Variants in CD72 observed in about 807,000 individuals in gnomAD.
CD72 encodes the protein CD72 molecule.
CD72 carries 28 observed loss-of-function variants against 50.7 expected under a neutral mutation model. The observed-to-expected ratio is 0.55, with a 90% CI of 0.41 to 0.76. CD72 has a LOEUF of 0.76. CD72 is among the 30% of genes least tolerant of loss of function. CD72 has a pLI of 0.00. For missense variants in CD72, 403 were observed against 420.6 expected, an observed-to-expected ratio of 0.96 and a Z score of 0.37; for synonymous variants, 176 against 171.2, an observed-to-expected ratio of 1.03 and a Z score of -0.22.
upstream of CD72, among the ~76,000 whole-genome samples, chr9:35,620,114 T>G (rs1244952866): frequency 1.3e-5 from 2 of 151,662 alleles, no homozygotes; most frequent in African/African-American, 2.4e-5. Flanking sequence ...AGGGGGTGGG[T>G]GTGGGCAGTG....
intron 1 of CD72, among the ~76,000 whole-genome samples, chr9:35,632,905 T>C (rs550509462): frequency 1.3e-5 from 2 of 151,870 alleles, no homozygotes; most frequent in South Asian, 4.2e-4. Flanking sequence ...AGACAATTTT[T>C]TGGATTTATT....
chr9:35,610,546 T>C, intron 8 of CD72, 56 bp downstream of exon 8: 1 of 918,586 alleles, frequency 1.1e-6, no homozygotes, highest in Non-Finnish European at 1.5e-6. Flanking sequence ...GAGTCCCTGC[T>C]CTGAGTCCCT....
intron 5 of CD72, among the ~76,000 whole-genome samples, chr9:35,613,508 CCT>C (rs1218696399): frequency 1.3e-5 from 2 of 152,064 alleles, no homozygotes; most frequent in African/African-American, 2.4e-5. Context: ...AATAAATATC[CCT>C]CTTTCTTCAA....
At chr9:35,614,369 G>A (rs1269559472) in intron 5 of CD72, among the ~76,000 whole-genome samples, 1 of 152,200 alleles carries the variant, frequency 6.6e-6, no homozygotes, top group East Asian at 1.9e-4. Flanking sequence ...GAGTGAGTAG[G>A]AAAAACATTT....
At chr9:35,613,445 C>T (rs1351587908) in intron 5 of CD72, among the ~76,000 whole-genome samples, 4 of 152,160 alleles carry the variant, frequency 2.6e-5, no homozygotes, top group Non-Finnish European at 4.4e-5. Context: ...TTTCCCTCCT[C>T]TCCACCTCAA....
At chr9:35,612,809 A>G in intron 6 of CD72, 39 bp downstream of exon 6, 2 of 1,598,772 alleles carry the variant, frequency 1.3e-6, no homozygotes, top group Non-Finnish European at 1.7e-6. Flanking sequence ...CCTTTACCTA[A>G]TAGTACCCAC....
chr9:35,614,043 A>C (rs1346963928), intron 5 of CD72, among the ~76,000 whole-genome samples: 1 of 151,666 alleles, frequency 6.6e-6, no homozygotes, highest in East Asian at 1.9e-4. Context: ...AGAAATCTGT[A>C]TGGCCAAATG....
At position 35,610,745 on chromosome 9, in the gene CD72, G is replaced by A; in HGVS notation, c.959C>T (p.Ala320Val). The A allele has an allele frequency of 1.2e-6, 2 of 1,611,978 alleles. No individual in the cohort carries two copies. The highest frequency in any genetic ancestry group is 1.7e-6 in the Non-Finnish European group (2 of 1,178,850). The change falls in exon 8 of 9, where the codon GCT (alanine) becomes GTT (valine). Residue 320 changes from alanine (A) to valine (V), a missense_variant. Transcript: ENST00000259633. ...TACCTTGTTACATTTTGAGCTTTGA[G>A]CATAAGTCCTAAAAAGTAGTAAGGT... is the stretch of plus-strand genomic sequence containing the variant. ...TDDTQRTRTY[A>V]QSSKCNKVHK...
intron 1 of CD72, among the ~76,000 whole-genome samples, chr9:35,631,392 T>A (rs1053102169): frequency 6.6e-6 from 1 of 152,206 alleles, no homozygotes; most frequent in Non-Finnish European, 1.5e-5. Flanking sequence ...CTGTCTAAAT[T>A]TTTATTTTAA....
upstream of CD72, among the ~76,000 whole-genome samples, chr9:35,624,338 C>A (rs954455353): frequency 6.6e-6 from 1 of 151,724 alleles, no homozygotes; most frequent in African/African-American, 2.4e-5. Flanking sequence ...GACAAGCCAG[C>A]GACCTGGACA....
intron 1 of CD72, among the ~76,000 whole-genome samples, chr9:35,625,550 T>C (rs760875505): frequency 2.0e-5 from 3 of 152,246 alleles, no homozygotes; most frequent in Non-Finnish European, 4.4e-5. Flanking sequence ...ACTAAGATCA[T>C]TGATGAAGGT....
intron 1 of CD72, among the ~76,000 whole-genome samples, chr9:35,637,746 C>T (rs935020390): frequency 3.3e-5 from 5 of 152,146 alleles, no homozygotes; most frequent in Non-Finnish European, 4.4e-5. Flanking sequence ...CTGATCACCA[C>T]GGGGATGCCT....
upstream of CD72, among the ~76,000 whole-genome samples, chr9:35,623,117 A>T (rs1190480575): frequency 6.6e-6 from 1 of 152,218 alleles, no homozygotes; most frequent in Non-Finnish European, 1.5e-5. Context: ...AAAATAAATG[A>T]ATCAAAATTA....
At chr9:35,640,466 C>A (rs181659851) in intron 1 of CD72, among the ~76,000 whole-genome samples, 246 of 152,338 alleles carry the variant, frequency 1.6e-3, no homozygotes, top group Non-Finnish European at 2.7e-3. Context: ...TATTAGAAGC[C>A]GTGGGTCACG....
In CD72 at chr9:35,615,923, C is replaced by T; in HGVS notation, c.688+20G>A. The T allele has an allele frequency of 6.3e-7, 1 of 1,594,448 alleles. No homozygotes were observed. The highest frequency in any genetic ancestry group is 2.2e-5 in the East Asian group (1 of 44,734). ...GCTCCAATCCATCCCTCCCTTCTCT[C>T]CTCTCCCCAGAGCGGATACCTGCTG... On this transcript the variant is annotated intron_variant, in intron 5 of 8. Transcript: ENST00000259633.
At chr9:35,615,886 T>C in intron 5 of CD72, 57 bp downstream of exon 5, 3 of 1,392,732 alleles carry the variant, frequency 2.2e-6, no homozygotes, top group South Asian at 2.4e-5. Context: ...CTCCTGCCAC[T>C]ACTATCTCCT....
intron 1 of CD72, among the ~76,000 whole-genome samples, chr9:35,627,831 C>CT (rs372328184): frequency 1.5e-4 from 22 of 149,298 alleles, no homozygotes; most frequent in East Asian, 7.8e-4. Flanking sequence ...TTTTGTACCT[C>CT]TTTTTTTTTT....
intron 1 of CD72, among the ~76,000 whole-genome samples, chr9:35,628,740 G>T (rs905093476): frequency 3.3e-5 from 5 of 152,294 alleles, no homozygotes; most frequent in African/African-American, 9.6e-5. Context: ...GTGGGAACTG[G>T]TATATGAATA....
chr9:35,621,221 A>C (rs1222525203), upstream of CD72, among the ~76,000 whole-genome samples: 2 of 152,204 alleles, frequency 1.3e-5, no homozygotes, highest in African/African-American at 4.8e-5. Flanking sequence ...TCATCATCTG[A>C]GAGCCTGGAG....
Sources: gnomAD v4.1 joint callset for allele counts (sites outside exome capture counted in the v4.1 genomes callset) on GRCh38, gnomAD v4.1.1 for gene constraint, MANE v1.5 for transcripts, NCBI Gene and HGNC (gene_info 2026-07-23, HGNC 2026-07-21) for gene names.